SLC5A9: variants seen among roughly 807,000 people sequenced by gnomAD.
SLC5A9 encodes solute carrier family 5 member 9, also known as sodium/glucose cotransporter 4.
Under a neutral mutation model 70.9 loss-of-function variants are expected in SLC5A9, and 59 were observed. The observed-to-expected ratio is 0.83, with a 90% CI of 0.68 to 1.03. The LOEUF (loss-of-function observed/expected upper bound fraction) is 1.03, where lower values mean the gene tolerates loss of function less well. Among genes scored for constraint, SLC5A9 ranks in the 50% least tolerant of loss-of-function variants. The pLI is 0.00. For synonymous variants in SLC5A9, 340 were observed against 346.5 expected, an observed-to-expected ratio of 0.98 and a Z score of 0.21; for missense variants, 832 against 881.1, an observed-to-expected ratio of 0.94 and a Z score of 0.71.
Position 48,239,220 on chromosome 1 carries a change from G to C in SLC5A9, c.1462-102G>C. 1.2e-6 allele frequency: 1 copy of C among 843,054 alleles called. No homozygotes were observed. Among genetic ancestry groups the C allele is most frequent in the Non-Finnish European group, 1.9e-6 (1 of 525,870 alleles). The allele number at this position is 843,054 out of a possible 1,614,324, so 52.2% of individuals were successfully genotyped here. A position where few individuals can be genotyped will look rare whatever the true frequency, so the allele number is the denominator to read the frequency against. On this transcript the variant is annotated intron_variant, in intron 11 of 13. Transcript: ENST00000438567. This position sits in a 1 kb window ranked among gnomAD's most constrained non-coding sequence, Gnocchi z 4.2. ...TTAGTAGATGGATTTGCCCAACATG[G>C]CAATAAACCAGTGGGAGAGAGATTT...
chr1:48,239,244 T>G lies in SLC5A9; in HGVS notation c.1462-78T>G. 1 of 1,034,788 alleles carries G rather than the reference T, an allele frequency of 9.7e-7. No individual in the cohort carries two copies. Among genetic ancestry groups the G allele is most frequent in the Non-Finnish European group, 1.4e-6 (1 of 692,824 alleles). 64.1% of individuals were successfully genotyped at this position (1,034,788 alleles called of 1,614,324 possible). On this transcript the variant is annotated intron_variant, in intron 11 of 13. Transcript: ENST00000438567. The surrounding 1 kb of genome is among the most constrained non-coding windows in gnomAD (Gnocchi z 4.2). Reference sequence around the variant, plus strand: ...GGCAATAAACCAGTGGGAGAGAGATTTGGGGAGAGAGTAGTTTTACCTTCC... The same window carrying G: ...GGCAATAAACCAGTGGGAGAGAGATGTGGGGAGAGAGTAGTTTTACCTTCC...
At position 48,239,230 on chromosome 1, in the gene SLC5A9, A is replaced by T. The variant is rs1285585530; in HGVS notation, c.1462-92A>T. On this transcript the variant is annotated intron_variant, in intron 11 of 13. Coordinates refer to ENST00000438567, the MANE Select transcript of SLC5A9 (RefSeq NM_001011547.3). The surrounding 1 kb of genome is among the most constrained non-coding windows in gnomAD (Gnocchi z 4.2). ...GATTTGCCCAACATGGCAATAAACCAGTGGGAGAGAGATTTGGGGAGAGAG... is the reference window on the plus strand; with the variant it reads ...GATTTGCCCAACATGGCAATAAACCTGTGGGAGAGAGATTTGGGGAGAGAG... 1 of 910,812 alleles carries T rather than the reference A, an allele frequency of 1.1e-6. No individual in the cohort carries two copies. Among genetic ancestry groups the T allele is most frequent in the East Asian group, 2.4e-5 (1 of 40,996 alleles). 56.4% of individuals were successfully genotyped at this position (910,812 alleles called of 1,614,324 possible).
At chr1:48,231,760 G>C (rs1644251165) in intron 6 of SLC5A9, 135 bp downstream of exon 6, 2 of 1,509,350 alleles carry the variant, frequency 1.3e-6, no homozygotes, top group Non-Finnish European at 1.8e-6. Flanking sequence ...CCAGGCTGCA[G>C]CTCCCAAAGA....
chr1:48,244,907 T>TATATATATATATATAA (rs1251941537), intron 13 of SLC5A9, among the ~76,000 whole-genome samples: 1 of 113,652 alleles, frequency 8.8e-6, no homozygotes, highest in Non-Finnish European at 1.8e-5. Flanking sequence ...TATATATATA[T>TATATATATATATATAA]ATAAAACCTC....
At chr1:48,228,717 G>A (rs1569821701) in intron 2 of SLC5A9, 133 bp from the exon 3 acceptor site, 3 of 1,401,382 alleles carry the variant, frequency 2.1e-6, no homozygotes, top group Non-Finnish European at 2.9e-6. Context: ...GGAATTAAAT[G>A]TATTTATGAA....
chr1:48,229,147 G>A (rs763416663), intron 3 of SLC5A9, 148 bp from the exon 4 acceptor site: 15 of 1,613,958 alleles, frequency 9.3e-6, no homozygotes, highest in Non-Finnish European at 1.3e-5. Flanking sequence ...TCCATCCAAG[G>A]TCACACGGGA....
At position 48,239,199 on chromosome 1, in the gene SLC5A9, TA is replaced by T. The variant is rs570503334; in HGVS notation, c.1462-122del. Reference sequence around the variant, plus strand: ...AATGGAGAACTCATTTTCCCATTAGTAGATGGATTTGCCCAACATGGCAATA... The same window carrying T: ...AATGGAGAACTCATTTTCCCATTAGTGATGGATTTGCCCAACATGGCAATA... On this transcript the variant is annotated intron_variant, in intron 11 of 13. Transcript: ENST00000438567. This position sits in a 1 kb window ranked among gnomAD's most constrained non-coding sequence, Gnocchi z 4.2. The T allele has an allele frequency of 4.2e-4, 295 of 709,722 alleles. 3 individuals carry two copies. The African/African-American group carries it at 4.7e-3, about 11-fold the overall frequency. 44.0% of individuals were successfully genotyped at this position (709,722 alleles called of 1,614,324 possible).
intron 11 of SLC5A9, 67 bp downstream of exon 11, chr1:48,237,914 G>C: frequency 6.6e-7 from 1 of 1,526,082 alleles, no homozygotes; most frequent in Non-Finnish European, 8.9e-7. Context: ...TCAATCACCT[G>C]GTCTCTGTGA....
In SLC5A9 at chr1:48,228,834, C is replaced by T. The variant is rs763604520; in HGVS notation, c.235-16C>T. On this transcript the variant is annotated splice_polypyrimidine_tract_variant and intron_variant, in intron 2 of 13. Transcript: ENST00000438567. ...CACTCCTGACTCCTGACCCTTGACC[C>T]AACTGTGCCTTGCAGATTGGAGCAT... is the stretch of plus-strand genomic sequence containing the variant. The T allele has an allele frequency of 3.3e-5, 54 of 1,613,404 alleles. No homozygotes were observed. The highest frequency in any genetic ancestry group is 4.5e-5 in the Non-Finnish European group (53 of 1,179,832).
At chr1:48,241,133 A>G (rs2148586073) in intron 12 of SLC5A9, 1 of 152,208 alleles carries the variant, frequency 6.6e-6, no homozygotes, top group South Asian at 2.1e-4. Flanking sequence ...AGTGTTCCTT[A>G]GGAACCCATC....
chr1:48,232,192 G>A (rs116790767), intron 7 of SLC5A9, 41 bp downstream of exon 7: 2 of 1,584,086 alleles, frequency 1.3e-6, no homozygotes, highest in Middle Eastern at 1.8e-4. Context: ...GCCAGGAAGT[G>A]GGGTGGCTTC....
chr1:48,241,244 C>T (rs1017733081), intron 12 of SLC5A9: 2 of 152,314 alleles, frequency 1.3e-5, no homozygotes, highest in Non-Finnish European at 2.9e-5. Flanking sequence ...CAGCCAAAAC[C>T]CCTCTCCCAA....
rs752480246 is a variant in SLC5A9, at chr1:48,232,424, G to A, written c.955G>A (p.Val319Met). Residue 319 changes from valine (V) to methionine (M), a missense_variant, in exon 8 of 14, where the codon GTG (valine) becomes ATG (methionine). Physicochemically the swap from Val to Met is conservative, Grantham distance 21. Coordinates refer to ENST00000438567, the MANE Select transcript of SLC5A9 (RefSeq NM_001011547.3). The stretch of plus-strand genomic sequence containing the variant: ...TCTGTCTCATGCCAAGGGAGGCTCC[G>A]TGCTGGGGGGCTACCTGAAGATCCT... The part of the protein sequence containing the change: ...KSLSHAKGGS[V>M]LGGYLKILPM... 2.4e-5 allele frequency: 38 copies of A among 1,614,056 alleles called. No individual in the cohort carries two copies. The African/African-American group carries it at 2.7e-4, about 11-fold the overall frequency.
At chr1:48,234,860 T>G (rs1210952889) in intron 9 of SLC5A9, among the ~76,000 whole-genome samples, 1 of 152,022 alleles carries the variant, frequency 6.6e-6, no homozygotes, top group Admixed American at 6.6e-5. Context: ...CCCTAAGGTC[T>G]GCTGTGAGGC....
In SLC5A9 at chr1:48,244,898, A is replaced by G. The variant is rs1340292574; in HGVS notation, c.1837+2282A>G. Among the ~76,000 whole-genome samples the G allele has an allele frequency of 5.4e-5, 6 of 111,278 alleles. 2 individuals are homozygous for G. The highest frequency in any genetic ancestry group is 7.3e-5 in the Non-Finnish European group (4 of 54,770). 73.0% of individuals were successfully genotyped at this position (111,278 alleles called of 152,430 possible). ...TATGTGTATATATATATATATATATATATATATATATAAAACCTCTGTCTC... is the reference window on the plus strand; with the variant it reads ...TATGTGTATATATATATATATATATGTATATATATATAAAACCTCTGTCTC... On this transcript the variant is annotated intron_variant, in intron 13 of 13. Transcript: ENST00000438567.
At chr1:48,227,164 A>AGTGTGTGTGCGTGT (rs1557466429) in intron 2 of SLC5A9, among the ~76,000 whole-genome samples, 3 of 115,478 alleles carry the variant, frequency 2.6e-5, no homozygotes, top group African/African-American at 9.8e-5. Flanking sequence ...TGTGTGTGTC[A>AGTGTGTGTGCGTGT]GAGTGTGTGT....
chr1:48,237,361 T>TGGGGGGGGG (rs71853018), intron 10 of SLC5A9, among the ~76,000 whole-genome samples: 6 of 95,572 alleles, frequency 6.3e-5, no homozygotes, highest in African/African-American at 1.2e-4. Flanking sequence ...TTGACTGGGG[T>TGGGGGGGGG]GGGGGGTGGG....
rs2148584733 is a variant in SLC5A9, at chr1:48,239,915, G to A, written c.1677+378G>A. 6.6e-6 allele frequency among the ~76,000 whole-genome samples: 1 copy of A among 152,304 alleles called. No homozygotes were observed. The highest frequency in any genetic ancestry group is 1.9e-4 in the East Asian group (1 of 5,178). On this transcript the variant is annotated intron_variant, in intron 12 of 13. Transcript: ENST00000438567. This position sits in a 1 kb window ranked among gnomAD's most constrained non-coding sequence, Gnocchi z 4.2. The stretch of plus-strand genomic sequence containing the variant: ...AGGGAGAGGCAGTCACCTCCTGGGG[G>A]CCCAGGGAGGGCACACTGATGAGGA...
At position 48,222,856 on chromosome 1, in the gene SLC5A9, G is replaced by T. The variant is rs1470063102; in HGVS notation, c.120G>T (p.Val40=). 6.2e-7 allele frequency: 1 copy of T among 1,614,030 alleles called. No homozygotes were observed. The highest frequency in any genetic ancestry group is 8.5e-7 in the Non-Finnish European group (1 of 1,180,032). Residue 40 remains valine, a synonymous_variant, in exon 1 of 14, where the codon GTG becomes GTT. Coordinates refer to ENST00000438567, the MANE Select transcript of SLC5A9 (RefSeq NM_001011547.3). The part of the protein sequence containing the change: ...RVGLHAYDIS[V]VVIYFVFVIA... Reference sequence around the variant, plus strand: ...GTCTGCACGCCTACGACATCAGCGTGGTGGTCATCTACTTTGTCTTCGTCA... The same window carrying T: ...GTCTGCACGCCTACGACATCAGCGTTGTGGTCATCTACTTTGTCTTCGTCA...
Sources: gnomAD v4.1 joint callset for allele counts (sites outside exome capture counted in the v4.1 genomes callset) on GRCh38, gnomAD v4.1.1 for gene constraint, Gnocchi (gnomAD v3.1) non-coding constraint, MANE v1.5 for transcripts, NCBI Gene and HGNC (gene_info 2026-07-23, HGNC 2026-07-21) for gene names.